The following IQCJ variants were observed in gnomAD, a reference collection of about 807,000 sequenced individuals.
The protein encoded by IQCJ is IQ motif containing J.
IQCJ carries 9 observed loss-of-function variants against 11.0 expected under a neutral mutation model. The ratio of observed to expected loss-of-function variants is 0.82; its 90% CI spans 0.49 to 1.43. The LOEUF is 1.43. Among genes scored for constraint, IQCJ ranks in the 40% most tolerant of loss-of-function variants. The pLI, the probability that IQCJ is intolerant of heterozygous loss-of-function variation, is 0.00. For missense variants in IQCJ, 146 were observed against 133.2 expected (o/e 1.10, Z -0.47); for synonymous variants, 55 against 51.3 (o/e 1.07, Z -0.31).
chr3:159,162,532 C>T (rs905488101), intron 1 of IQCJ, among the ~76,000 whole-genome samples: 6 of 152,284 alleles, frequency 3.9e-5, no homozygotes, highest in Non-Finnish European at 7.4e-5. Flanking sequence ...TTTCCTTCTC[C>T]TGCCTAATTG....
chr3:159,133,352 C>G lies in IQCJ; in HGVS notation c.9+63911C>G, dbSNP rs543095869. ...TTCAATTTAGTATTTATAAAAATTT[C>G]ATTGTCTTAGAAAACATGTGAAGGT... is the stretch of plus-strand genomic sequence containing the variant. On this transcript the variant is annotated intron_variant, in intron 1 of 3. Coordinates refer to ENST00000397832, the MANE Select transcript of IQCJ (RefSeq NM_001042706.3). Among the ~76,000 whole-genome samples the G allele has an allele frequency of 5.3e-5, 8 of 152,306 alleles. No homozygotes were observed. The East Asian group carries it at 9.6e-4, about 18-fold the overall frequency.
chr3:159,163,992 C>A (rs1360386974), intron 1 of IQCJ, among the ~76,000 whole-genome samples: 1 of 152,054 alleles, frequency 6.6e-6, no homozygotes, highest in Non-Finnish European at 1.5e-5. Context: ...CATCTGAGTG[C>A]AAATCTGGGA....
intron 1 of IQCJ, among the ~76,000 whole-genome samples, chr3:159,239,483 G>C (rs1295652209): frequency 6.6e-6 from 1 of 152,088 alleles, no homozygotes; most frequent in African/African-American, 2.4e-5. Context: ...ATAGAAGAAA[G>C]CATACCACAG....
chr3:159,208,425 G>A (rs550313825), intron 1 of IQCJ, among the ~76,000 whole-genome samples: 2 of 152,326 alleles, frequency 1.3e-5, no homozygotes, highest in African/African-American at 4.8e-5. Context: ...AGTATTCTCT[G>A]TGGTATTTTT....
intron 1 of IQCJ, among the ~76,000 whole-genome samples, chr3:159,092,798 T>G (rs915389588): frequency 3.1e-5 from 2 of 65,462 alleles, no homozygotes; most frequent in South Asian, 7.9e-4. Flanking sequence ...AATTAACTAT[T>G]TTTTTTTTTT....
In IQCJ at chr3:159,132,963, T is replaced by A. The variant is rs138793002; in HGVS notation, c.9+63522T>A. On this transcript the variant is annotated intron_variant, in intron 1 of 3. Transcript: ENST00000397832. ...TTTCTTTTCTTTCTTCCTTTCTTTG[T>A]TTTGAGCCAACAAGCTCTGAGAACT... Among the ~76,000 whole-genome samples the A allele has an allele frequency of 1.3e-3, 195 of 144,602 alleles. No individual in the cohort carries two copies. The East Asian group carries it at 0.028, about 21-fold the overall frequency. The allele number at this position is 144,602 out of a possible 152,430, so 94.9% of individuals were successfully genotyped here. A position where few individuals can be genotyped will look rare whatever the true frequency, so the allele number is the denominator to read the frequency against.
intron 1 of IQCJ, among the ~76,000 whole-genome samples, chr3:159,218,104 A>T (rs1245485879): frequency 6.6e-6 from 1 of 151,942 alleles, no homozygotes; most frequent in Admixed American, 6.6e-5. Flanking sequence ...TATAAATATT[A>T]TCTATTTAGA....
intron 1 of IQCJ, among the ~76,000 whole-genome samples, chr3:159,146,698 GA>G (rs1276454743): frequency 2.6e-5 from 4 of 152,058 alleles, no homozygotes; most frequent in Non-Finnish European, 5.9e-5. Context: ...CACAATATTA[GA>G]ATTGGAAAGG....
intron 1 of IQCJ, among the ~76,000 whole-genome samples, chr3:159,197,036 A>G (rs1724029140): frequency 6.6e-6 from 1 of 151,928 alleles, no homozygotes; most frequent in Admixed American, 6.6e-5. Flanking sequence ...CATTAAAGGC[A>G]CCTGGTTGGT....
intron 1 of IQCJ, among the ~76,000 whole-genome samples, chr3:159,125,032 C>T (rs1719596527): frequency 1.3e-5 from 2 of 152,100 alleles, no homozygotes; most frequent in Non-Finnish European, 2.9e-5. Flanking sequence ...GTGGGATGCA[C>T]ATAGTGACTT....
chr3:159,259,274 A>C (rs1696629724), intron 3 of IQCJ, among the ~76,000 whole-genome samples: 1 of 152,226 alleles, frequency 6.6e-6, no homozygotes, highest in East Asian at 1.9e-4. Flanking sequence ...GCAAAAAGAA[A>C]AATTGTTGAA....
intron 1 of IQCJ, among the ~76,000 whole-genome samples, chr3:159,071,893 G>T (rs897226785): frequency 6.6e-6 from 1 of 152,056 alleles, no homozygotes; most frequent in Non-Finnish European, 1.5e-5. Flanking sequence ...TCCCTATTAT[G>T]TGACCAGGAC....
At chr3:159,134,963 G>C (rs1002806454) in intron 1 of IQCJ, among the ~76,000 whole-genome samples, 2 of 152,174 alleles carry the variant, frequency 1.3e-5, no homozygotes, top group Non-Finnish European at 2.9e-5. Context: ...TTGGGAAAAT[G>C]TTTGGGCACA....
intron 1 of IQCJ, among the ~76,000 whole-genome samples, chr3:159,101,682 AG>A (rs1447947472): frequency 3.3e-5 from 5 of 152,164 alleles, no homozygotes; most frequent in Non-Finnish European, 7.3e-5. Flanking sequence ...CATGGACTCA[AG>A]CCCATCTACT....
chr3:159,072,057 TG>T (rs1321781561), intron 1 of IQCJ, among the ~76,000 whole-genome samples: 2 of 152,152 alleles, frequency 1.3e-5, no homozygotes, highest in Admixed American at 1.3e-4. Flanking sequence ...CTTCTAGCTT[TG>T]GGACAAAAGG....
intron 1 of IQCJ, among the ~76,000 whole-genome samples, chr3:159,092,447 C>T (rs537070820): frequency 2.6e-5 from 4 of 151,956 alleles, no homozygotes; most frequent in Admixed American, 2.0e-4. Flanking sequence ...CGCCAGTAAT[C>T]CCAGCACTTT....
chr3:159,124,990 G>T (rs1309230757), intron 1 of IQCJ, among the ~76,000 whole-genome samples: 1 of 152,046 alleles, frequency 6.6e-6, no homozygotes, highest in Non-Finnish European at 1.5e-5. Flanking sequence ...GAAAGTTAAG[G>T]CACAAAAAAG....
intron 1 of IQCJ, among the ~76,000 whole-genome samples, chr3:159,243,987 C>T (rs926484578): frequency 4.6e-5 from 7 of 152,162 alleles, no homozygotes; most frequent in African/African-American, 1.7e-4. Context: ...TGAGTAAAGT[C>T]TGGTTCTTAG....
Position 159,236,046 on chromosome 3 carries a change from G to T in IQCJ, c.10-9797G>T, listed in dbSNP as rs936011591. On this transcript the variant is annotated intron_variant, in intron 1 of 3. Coordinates refer to ENST00000397832, the MANE Select transcript of IQCJ (RefSeq NM_001042706.3). ...AATGTCCTTAAAGTGTTAGAAACAG[G>T]CAAATATCTTTTTAAGTCTACTACC... Among the ~76,000 whole-genome samples the T allele has an allele frequency of 2.0e-5, 3 of 152,138 alleles. 1 individual carries two copies. The highest frequency in any genetic ancestry group is 1.9e-4 in the East Asian group (1 of 5,172).
Sources: gnomAD v4.1 joint callset for allele counts (sites outside exome capture counted in the v4.1 genomes callset) on GRCh38, gnomAD v4.1.1 for gene constraint, MANE v1.5 for transcripts, NCBI Gene and HGNC (gene_info 2026-07-23, HGNC 2026-07-21) for gene names.